Variants in ZBTB7A observed in about 807,000 individuals in gnomAD.
ZBTB7A encodes the protein zinc finger and BTB domain-containing protein 7A.
In ZBTB7A, 7 loss-of-function variants were observed where a neutral mutation model predicts 26.7. The observed-to-expected ratio is 0.26, with a 90% confidence interval of 0.15 to 0.49. The LOEUF is 0.49. ZBTB7A is among the 20% of genes least tolerant of loss of function. ZBTB7A has a pLI of 0.98. For synonymous variants in ZBTB7A, 452 were observed against 441.0 expected (o/e 1.02, Z -0.31); for missense variants, 617 against 919.5 (o/e 0.67, Z 4.25).
Position 4,055,225 on chromosome 19 carries a change from C to A in ZBTB7A, c.8G>T (p.Gly3Val). The A allele has an allele frequency of 6.6e-7, 1 of 1,515,090 alleles. No homozygotes were observed. Among genetic ancestry groups the A allele is most frequent in the South Asian group, 1.3e-5 (1 of 78,150 alleles). 93.9% of individuals were successfully genotyped at this position (1,515,090 alleles called of 1,614,324 possible). A position where few individuals can be genotyped will look rare whatever the true frequency, so the allele number is the denominator to read the frequency against. The stretch of plus-strand genomic sequence containing the variant: ...GATCCCGATGGGGCCGTCCACGCCG[C>A]CGGCCATCTTCCGCGCCGAGACCTG... MA[G>V]GVDGPIGIPF... Residue 3 changes from glycine to valine, a missense_variant, in exon 2 of 3, where the codon GGC (glycine) becomes GTC (valine). Gly to Val is a moderately radical substitution (Grantham distance 109, BLOSUM62 -3). Coordinates refer to ENST00000322357, the MANE Select transcript of ZBTB7A (RefSeq NM_015898.4).
chr19:4,054,870 G>A lies in ZBTB7A; in HGVS notation c.363C>T (p.His121=), dbSNP rs770396224. Residue 121 remains histidine (H), a synonymous_variant, in exon 2 of 3, where the codon CAC becomes CAT. Transcript: ENST00000322357. ...GCCGGTCCAGGAGGTCGGCGCACAC[G>A]TGGCTCACGGCGGGGATCTCCAGCA... ...ARLLEIPAVS[H]VCADLLDRQI... 8.1e-6 allele frequency: 13 copies of A among 1,610,360 alleles called. No homozygotes were observed. Among genetic ancestry groups the A allele is most frequent in the Non-Finnish European group, 1.0e-5 (12 of 1,178,428 alleles).
rs920490450 is a variant in ZBTB7A at position 4,044,095 on chromosome 19, G to A, written c.*3657C>T. On this transcript the variant is annotated 3_prime_UTR_variant, in exon 3 of 3. Coordinates refer to ENST00000322357, the MANE Select transcript of ZBTB7A (RefSeq NM_015898.4). ...CACCACCTGTGAGGTGACCGCTCCT[G>A]CCACGGCCCCGGGGTCTGAATCGTG... Among the ~76,000 whole-genome samples, 15 of 151,988 alleles carry A rather than the reference G, an allele frequency of 9.9e-5. No homozygotes were observed. The highest frequency in any genetic ancestry group is 3.4e-4 in the African/African-American group (14 of 41,384).
In ZBTB7A at chr19:4,043,992, T is replaced by C. The variant is rs1185575221; in HGVS notation, c.*3760A>G. ...ATATTTTTTTTTCTTCTGTTTTTCC[T>C]TTCATTCTCTCTGTCTTGCCTCCAA... On this transcript the variant is annotated 3_prime_UTR_variant, in exon 3 of 3. Coordinates refer to ENST00000322357, the MANE Select transcript of ZBTB7A (RefSeq NM_015898.4). 6.6e-6 allele frequency among the ~76,000 whole-genome samples: 1 copy of C among 152,158 alleles called. No homozygotes were observed. The highest frequency in any genetic ancestry group is 1.5e-5 in the Non-Finnish European group (1 of 68,028).
chr19:4,060,394 G>A (rs1293737476), intron 1 of ZBTB7A, among the ~76,000 whole-genome samples: 1 of 152,214 alleles, frequency 6.6e-6, no homozygotes, highest in Non-Finnish European at 1.5e-5. Flanking sequence ...TTTGTCGAGA[G>A]CCACGGCACC....
chr19:4,058,519 C>A (rs1432427472), intron 1 of ZBTB7A, among the ~76,000 whole-genome samples: 1 of 152,252 alleles, frequency 6.6e-6, no homozygotes, highest in Non-Finnish European at 1.5e-5. Context: ...CTGTCCCCAC[C>A]CCTCCGCCCT....
At position 4,064,571 on chromosome 19, in the gene ZBTB7A, C is replaced by A. The variant is rs539959986; in HGVS notation, c.-16+2111G>T. ...GACCAGTTTGCCAATAGGAAGTGAT[C>A]GGCCGGTGGTGGGGAGGCACCCCCA... On this transcript the variant is annotated intron_variant, in intron 1 of 2. Transcript: ENST00000322357. Among the ~76,000 whole-genome samples the A allele has an allele frequency of 1.7e-3, 263 of 152,382 alleles. 2 individuals carry two copies. The highest frequency in any genetic ancestry group is 6.8e-3 in the Middle Eastern group (2 of 294).
chr19:4,054,232 G>C lies in ZBTB7A; in HGVS notation c.1001C>G (p.Ala334Gly). The change falls in exon 2 of 3, where the codon GCG becomes GGG. Residue 334 changes from alanine to glycine, a missense_variant. By Grantham distance (60) the Ala-to-Gly change is moderately conservative. Transcript: ENST00000322357. ...CCGCGACTCCTCGTCGCTGTCCCCC[G>C]CCGCGGCCCCCGCCCGGCCCACCGA... ...MSSVGRAGAA[A>G]GDSDEESRAD... 6.3e-7 allele frequency: 1 copy of C among 1,583,360 alleles called. No homozygotes were observed. The highest frequency in any genetic ancestry group is 8.5e-7 in the Non-Finnish European group (1 of 1,171,456).
rs1419666639 is a variant in ZBTB7A, at chr19:4,048,788, G to A, written c.1263-544C>T. On this transcript the variant is annotated intron_variant, in intron 2 of 2. Transcript: ENST00000322357. This position sits in a 1 kb window ranked among gnomAD's most constrained non-coding sequence, Gnocchi z 6.7. Reference sequence around the variant, plus strand: ...GGATCACTTGTATCTGGGAGGTGGAGGTTGCAGTGAAACTCCGTCTCAAAA... The same window carrying A: ...GGATCACTTGTATCTGGGAGGTGGAAGTTGCAGTGAAACTCCGTCTCAAAA... 6.6e-6 allele frequency among the ~76,000 whole-genome samples: 1 copy of A among 151,916 alleles called. No individual in the cohort carries two copies. The highest frequency in any genetic ancestry group is 1.5e-5 in the Non-Finnish European group (1 of 67,980).
At chr19:4,065,059 C>G (rs1226424937) in intron 1 of ZBTB7A, among the ~76,000 whole-genome samples, 1 of 151,706 alleles carries the variant, frequency 6.6e-6, no homozygotes, top group Non-Finnish European at 1.5e-5. Flanking sequence ...CTGGGTCTCC[C>G]GCCCGGGAGG....
intron 1 of ZBTB7A, among the ~76,000 whole-genome samples, chr19:4,057,914 G>A (rs1419243637): frequency 6.6e-6 from 1 of 152,166 alleles, no homozygotes; most frequent in Non-Finnish European, 1.5e-5. Context: ...TGAGGACACA[G>A]TTGCGTCCAA....
intron 1 of ZBTB7A, chr19:4,065,299 G>GC (rs1352008321): frequency 3.4e-5 from 5 of 148,420 alleles, no homozygotes; most frequent in African/African-American, 1.2e-4. Context: ...GCCAGGCCAG[G>GC]CCCCCCACCC....
chr19:4,053,149 G>A (rs1294368548), intron 2 of ZBTB7A, among the ~76,000 whole-genome samples: 2 of 152,222 alleles, frequency 1.3e-5, no homozygotes, highest in East Asian at 3.8e-4. Context: ...CCTCCAGGAA[G>A]GAAGAACGAC....
At chr19:4,051,990 CT>C (rs1300593959) in intron 2 of ZBTB7A, among the ~76,000 whole-genome samples, 1 of 151,332 alleles carries the variant, frequency 6.6e-6, no homozygotes, top group Non-Finnish European at 1.5e-5. Context: ...GGCTCCCAGG[CT>C]TTTGGAGGGT....
intron 1 of ZBTB7A, among the ~76,000 whole-genome samples, chr19:4,066,273 G>A (rs2040695245): frequency 6.7e-6 from 1 of 148,406 alleles, no homozygotes; most frequent in Non-Finnish European, 1.5e-5. Flanking sequence ...GGCCCCCGGG[G>A]GGCGAGAGCG....
rs117913027 is a variant in ZBTB7A, at chr19:4,060,553, G to C, written c.-15-5306C>G. Among the ~76,000 whole-genome samples, 114 of 152,350 alleles carry C rather than the reference G, an allele frequency of 7.5e-4. No individual in the cohort carries two copies. The East Asian group carries it at 0.017, about 22-fold the overall frequency. ...TGATCTGGGCAGCTGCCACTTCCCA[G>C]CTGCGGGGGATGTGTCGTGAGCTCG... is the stretch of plus-strand genomic sequence containing the variant. On this transcript the variant is annotated intron_variant, in intron 1 of 2. Transcript: ENST00000322357.
chr19:4,046,188 A>G lies in ZBTB7A; in HGVS notation c.*1564T>C. On this transcript the variant is annotated 3_prime_UTR_variant, in exon 3 of 3. Coordinates refer to ENST00000322357, the MANE Select transcript of ZBTB7A (RefSeq NM_015898.4). ...CAGAAAGGGGGAGCGGGGGGAACACAGCACGAACACCCCACAGTCCTGCCT... is the reference window on the plus strand; with the variant it reads ...CAGAAAGGGGGAGCGGGGGGAACACGGCACGAACACCCCACAGTCCTGCCT... The G allele has an allele frequency of 2.5e-6, 1 of 397,718 alleles. No individual in the cohort carries two copies. The highest frequency in any genetic ancestry group is 4.4e-6 in the Non-Finnish European group (1 of 225,696). 24.6% of individuals were successfully genotyped at this position (397,718 alleles called of 1,614,324 possible). A position where few individuals can be genotyped will look rare whatever the true frequency, so the allele number is the denominator to read the frequency against.
Position 4,052,026 on chromosome 19 carries a change from G to T in ZBTB7A, c.1262+1945C>A, listed in dbSNP as rs1022748029. ...TGGAGGTGCTGGTGTCCTGGGGAGG[G>T]GGGACCAGAGCACGGGGTGGGGGAA... On this transcript the variant is annotated intron_variant, in intron 2 of 2. Transcript: ENST00000322357. The surrounding 1 kb of genome is among the most constrained non-coding windows in gnomAD (Gnocchi z 4.9). 6.6e-6 allele frequency among the ~76,000 whole-genome samples: 1 copy of T among 152,214 alleles called. No homozygotes were observed. The highest frequency in any genetic ancestry group is 1.5e-5 in the Non-Finnish European group (1 of 68,034).
chr19:4,054,420 G>C lies in ZBTB7A; in HGVS notation c.813C>G (p.His271Gln), dbSNP rs2040547746. ...CCTCCTCCTCTCCGCCGCGGCCGTA[G>C]TGGCCGTTCTGCGTGGCGGCCGGCG... ...VAPPAATQNG[H>Q]YGRGGEEEAA... Residue 271 changes from histidine (H) to glutamine (Q), a missense_variant, in exon 2 of 3, where the codon CAC (histidine) becomes CAG (glutamine). Physicochemically the swap from His to Gln is conservative, Grantham distance 24 (BLOSUM62 0). Around this residue, in one of 5 missense-constraint regions of ZBTB7A, gnomAD observed 331 missense variants for 391.3 expected, o/e 0.85. Transcript: ENST00000322357. 5.1e-6 allele frequency: 7 copies of C among 1,370,126 alleles called. No individual in the cohort carries two copies. The Admixed American group carries it at 2.7e-4, about 53-fold the overall frequency. The allele number at this position is 1,370,126 out of a possible 1,614,324, so 84.9% of individuals were successfully genotyped here.
chr19:4,054,516 G>A lies in ZBTB7A; in HGVS notation c.717C>T (p.Ser239=). ...CCCGCTCTGGCCACAGACCCGGGTT[G>A]CTGTCGCCCTCGTCCCCGTCCCCCG... ...PPTGDGDEGD[S]NPGLWPERDE... is the part of the protein sequence containing the mutation. Residue 239 remains serine (S), a synonymous_variant, in exon 2 of 3, where the codon AGC becomes AGT. Transcript: ENST00000322357. 3.5e-6 allele frequency: 5 copies of A among 1,430,628 alleles called. No individual in the cohort carries two copies. Among genetic ancestry groups the A allele is most frequent in the Non-Finnish European group, 4.5e-6 (5 of 1,102,600 alleles). 88.6% of individuals were successfully genotyped at this position (1,430,628 alleles called of 1,614,324 possible).
Sources: allele counts gnomAD v4.1 joint callset (sites outside exome capture counted in the v4.1 genomes callset), GRCh38; gene constraint gnomAD v4.1.1; regional missense constraint gnomAD v4.1.1; non-coding constraint Gnocchi (gnomAD v3.1); transcripts MANE v1.5; gene names NCBI Gene and HGNC (gene_info 2026-07-23, HGNC 2026-07-21).